SASH1: variants seen among roughly 807,000 people sequenced by gnomAD.
SASH1 encodes the protein SAM and SH3 domain containing 1, also known as SAM and SH3 domain-containing protein 1.
Under a neutral mutation model 125.2 loss-of-function variants are expected in SASH1, and 44 were observed. That is an observed-to-expected ratio of 0.35 (90% CI 0.28 to 0.45). The LOEUF (loss-of-function observed/expected upper bound fraction) is 0.45, where lower values mean the gene tolerates loss of function less well. SASH1 is among the 20% of genes least tolerant of loss of function. The pLI, the probability that SASH1 is intolerant of heterozygous loss-of-function variation, is 1.00. For synonymous variants in SASH1, 639 were observed against 649.1 expected (o/e 0.98, Z 0.24); for missense variants, 1,426 against 1,614.5 (o/e 0.88, Z 2.00).
At chr6:148,338,811 C>G (rs1042828174), upstream of SASH1, among the ~76,000 whole-genome samples, 3 of 151,970 alleles carry the variant, frequency 2.0e-5, no homozygotes, top group South Asian at 6.2e-4. Flanking sequence ...TTGAGGCCAG[C>G]CTGGCCAACA....
In SASH1 at chr6:148,546,106, A is replaced by G. The variant is rs1782546199; in HGVS notation, c.3440A>G (p.Gln1147Arg). The G allele has an allele frequency of 6.2e-7, 1 of 1,614,240 alleles. No individual in the cohort carries two copies. Among genetic ancestry groups the G allele is most frequent in the Non-Finnish European group, 8.5e-7 (1 of 1,180,038 alleles). ...CGGGACGTCGCCGCCAACATGGACCAGATCCGGGTGAAGCAGCTTCGGAAG... is the reference window on the plus strand; with the variant it reads ...CGGGACGTCGCCGCCAACATGGACCGGATCCGGGTGAAGCAGCTTCGGAAG... Reference protein sequence around the residue: ...PERDVAANMDQIRVKQLRKQH... With the variant: ...PERDVAANMDRIRVKQLRKQH... Residue 1147 changes from glutamine to arginine, a missense_variant, in exon 19 of 20, where the codon CAG becomes CGG. Gln to Arg is a conservative substitution (Grantham distance 43). This residue lies in a region of SASH1 where 634 missense variants were observed against 694.4 expected (regional missense o/e 0.91). Coordinates refer to ENST00000367467, the MANE Select transcript of SASH1 (RefSeq NM_015278.5).
At chr6:148,466,783 C>G (rs1231242905) in intron 4 of SASH1, among the ~76,000 whole-genome samples, 1 of 152,078 alleles carries the variant, frequency 6.6e-6, no homozygotes, top group Non-Finnish European at 1.5e-5. Context: ...ACTATGTTGC[C>G]CAGGCTGCTC....
chr6:148,394,910 C>T (rs1783887527), intron 2 of SASH1, among the ~76,000 whole-genome samples: 2 of 152,304 alleles, frequency 1.3e-5, no homozygotes, highest in South Asian at 4.1e-4. Context: ...TCCCAAAGAG[C>T]TGGGATTATA....
At chr6:148,416,486 G>A (rs1227134821) in intron 2 of SASH1, among the ~76,000 whole-genome samples, 4 of 152,144 alleles carry the variant, frequency 2.6e-5, no homozygotes, top group Admixed American at 6.5e-5. Flanking sequence ...CTTGAGTTTT[G>A]CAGCGTGGAG....
chr6:148,197,625 G>T, the SASH1 span, among the ~76,000 whole-genome samples: 1 of 152,158 alleles, frequency 6.6e-6, no homozygotes, highest in African/African-American at 2.4e-5. Flanking sequence ...GCTCCTGAGG[G>T]TCATTTTCCT....
At chr6:148,472,910 G>A (rs1778181856) in intron 6 of SASH1, among the ~76,000 whole-genome samples, 1 of 152,186 alleles carries the variant, frequency 6.6e-6, no homozygotes, top group Admixed American at 6.5e-5. Context: ...GAAAGATGGG[G>A]AGGAGAGCAG....
chr6:148,467,143 C>G (rs1237672254), intron 4 of SASH1, among the ~76,000 whole-genome samples: 1 of 122,664 alleles, frequency 8.2e-6, no homozygotes, highest in Non-Finnish European at 1.6e-5. Context: ...GTTGCCCAGT[C>G]TGGAGTGCAA....
chr6:148,354,911 C>G (rs925199838), intron 1 of SASH1, among the ~76,000 whole-genome samples: 1 of 152,118 alleles, frequency 6.6e-6, no homozygotes, highest in Non-Finnish European at 1.5e-5. Context: ...GGGCATATGC[C>G]ACCACCCCCA....
Position 148,529,719 on chromosome 6 carries a change from T to G in SASH1, c.1429-1807T>G, listed in dbSNP as rs1364477605. Among the ~76,000 whole-genome samples the G allele has an allele frequency of 1.3e-5, 2 of 152,168 alleles. No homozygotes were observed. The highest frequency in any genetic ancestry group is 2.9e-5 in the Non-Finnish European group (2 of 68,018). On this transcript the variant is annotated intron_variant, in intron 12 of 19. Coordinates refer to ENST00000367467, the MANE Select transcript of SASH1 (RefSeq NM_015278.5). The surrounding 1 kb of genome is among the most constrained non-coding windows in gnomAD (Gnocchi z 4.2). ...GTTTTTTTAAAGCAGCCATTTCACA[T>G]AAGTTAAGGAATAAAAGAAACAACT...
chr6:148,405,361 C>T (rs771751989), intron 2 of SASH1, among the ~76,000 whole-genome samples: 4 of 152,088 alleles, frequency 2.6e-5, no homozygotes, highest in Non-Finnish European at 5.9e-5. Context: ...AACTCTTGTC[C>T]CTTCTTCCTT....
chr6:148,503,300 C>G (rs989763637), intron 8 of SASH1, among the ~76,000 whole-genome samples: 1 of 139,746 alleles, frequency 7.2e-6, no homozygotes, highest in African/African-American at 2.6e-5. Context: ...ATTCTACAGT[C>G]GAGTCATCTT....
chr6:148,466,004 G>A (rs1430244333), intron 4 of SASH1, among the ~76,000 whole-genome samples: 3 of 152,028 alleles, frequency 2.0e-5, no homozygotes, highest in Admixed American at 1.3e-4. Context: ...TTACTTGTGC[G>A]TTGTTCAGTA....
chr6:148,253,760 T>C, the SASH1 span, among the ~76,000 whole-genome samples: 1 of 152,004 alleles, frequency 6.6e-6, no homozygotes, highest in African/African-American at 2.4e-5. Flanking sequence ...TAGTCCCAGC[T>C]ACTGGGGAGG....
chr6:148,253,446 T>C, the SASH1 span, among the ~76,000 whole-genome samples: 19 of 152,152 alleles, frequency 1.2e-4, 1 homozygote. Flanking sequence ...AAGAAAACTA[T>C]AGAACTATTA....
intron 2 of SASH1, among the ~76,000 whole-genome samples, chr6:148,425,411 T>C (rs1189480646): frequency 6.6e-6 from 1 of 152,180 alleles, no homozygotes; most frequent in Non-Finnish European, 1.5e-5. Context: ...TTAAAATGGT[T>C]GTAAAAAAGG....
intron 16 of SASH1, among the ~76,000 whole-genome samples, chr6:148,539,731 G>T (rs1782103768): frequency 6.6e-6 from 1 of 152,038 alleles, no homozygotes; most frequent in South Asian, 2.1e-4. Context: ...ACAAAAATGT[G>T]CTGGCACAAG....
intron 2 of SASH1, among the ~76,000 whole-genome samples, chr6:148,407,593 G>T (rs1245832238): frequency 6.6e-6 from 1 of 152,134 alleles, no homozygotes; most frequent in Non-Finnish European, 1.5e-5. Context: ...AATATGCCTA[G>T]AGGTGGAACT....
chr6:148,387,659 TC>T (rs1783513006), intron 1 of SASH1, among the ~76,000 whole-genome samples: 1 of 88,624 alleles, frequency 1.1e-5, no homozygotes, highest in Non-Finnish European at 2.2e-5. Context: ...TTTCTTTCTT[TC>T]TTTCTTTCTT....
At chr6:148,490,015 A>T (rs1354489047) in intron 8 of SASH1, among the ~76,000 whole-genome samples, 1 of 51,768 alleles carries the variant, frequency 1.9e-5, no homozygotes, top group Non-Finnish European at 3.1e-5. Context: ...CCTGTCTTTA[A>T]AAAAAAAAAA....
Sources: gnomAD v4.1 joint callset for allele counts (sites outside exome capture counted in the v4.1 genomes callset) on GRCh38, gnomAD v4.1.1 for gene constraint, gnomAD v4.1.1 regional missense constraint, Gnocchi (gnomAD v3.1) non-coding constraint, MANE v1.5 for transcripts, NCBI Gene and HGNC (gene_info 2026-07-23, HGNC 2026-07-21) for gene names.